Variants in LEPR observed in about 807,000 individuals in gnomAD.
The protein encoded by LEPR is OB receptor.
In LEPR, 56 loss-of-function variants were observed where a neutral mutation model predicts 114.7. The observed-to-expected ratio is 0.49, with a 90% CI of 0.39 to 0.61. LEPR has a LOEUF of 0.61. Ranked by LOEUF, LEPR falls within the 20% of genes least tolerant of loss-of-function variation. The probability of loss-of-function intolerance (pLI) is 0.00; values close to 1 mark genes in which losing one functional copy is unlikely to be tolerated. For synonymous variants in LEPR, 443 were observed against 461.4 expected, an observed-to-expected ratio of 0.96 and a Z score of 0.51; for missense variants, 1,202 against 1,352.9, an observed-to-expected ratio of 0.89 and a Z score of 1.75.
intron 2 of LEPR, among the ~76,000 whole-genome samples, chr1:65,551,867 A>C (rs972835449): frequency 3.3e-5 from 5 of 152,062 alleles, no homozygotes; most frequent in African/African-American, 1.2e-4. Context: ...CCCTCTAAAC[A>C]CCGCTTTATA....
At chr1:65,472,450 G>GTA (rs1416731680) in intron 2 of LEPR, among the ~76,000 whole-genome samples, 3 of 54,038 alleles carry the variant, frequency 5.6e-5, no homozygotes, top group South Asian at 1.2e-3. Context: ...ACACACGTGT[G>GTA]TATATATATA....
chr1:65,570,876 C>T (rs982005248), intron 4 of LEPR, 74 bp downstream of exon 4: 1 of 1,250,938 alleles, frequency 8.0e-7, no homozygotes, highest in East Asian at 2.6e-5. Flanking sequence ...AAATAGATGT[C>T]TTATGGCTAT....
intron 2 of LEPR, among the ~76,000 whole-genome samples, chr1:65,431,161 T>C (rs1437075793): frequency 1.3e-5 from 2 of 152,236 alleles, no homozygotes; most frequent in African/African-American, 4.8e-5. Context: ...ATTTTTCTTG[T>C]GCTTTAGACC....
intron 2 of LEPR, among the ~76,000 whole-genome samples, chr1:65,514,716 G>A (rs564625936): frequency 4.0e-4 from 61 of 152,072 alleles, no homozygotes; most frequent in Non-Finnish European, 7.9e-4. Flanking sequence ...CAAATTATAG[G>A]CATATAATCA....
chr1:65,544,132 CTT>C (rs1426043791), intron 2 of LEPR, among the ~76,000 whole-genome samples: 1 of 151,888 alleles, frequency 6.6e-6, no homozygotes, highest in Non-Finnish European at 1.5e-5. Context: ...TGTGTCCTCT[CTT>C]ATTTCCTTGA....
intron 19 of LEPR, among the ~76,000 whole-genome samples, chr1:65,624,899 T>C (rs1055828221): frequency 1.3e-5 from 2 of 152,152 alleles, no homozygotes; most frequent in Admixed American, 6.5e-5. Context: ...AGTAGTGTTG[T>C]TTTATATACG....
At chr1:65,564,960 A>G (rs1199314509) in intron 2 of LEPR, among the ~76,000 whole-genome samples, 1 of 152,224 alleles carries the variant, frequency 6.6e-6, no homozygotes, top group Non-Finnish European at 1.5e-5. Context: ...TCATGTGGGT[A>G]TATTAAGCCA....
intron 2 of LEPR, among the ~76,000 whole-genome samples, chr1:65,504,175 A>C (rs1314671902): frequency 5.9e-5 from 9 of 152,176 alleles, no homozygotes; most frequent in African/African-American, 2.2e-4. Context: ...ACACTGACAT[A>C]AATAAACAGT....
chr1:65,552,360 T>A (rs1317023613), intron 2 of LEPR, among the ~76,000 whole-genome samples: 1 of 152,206 alleles, frequency 6.6e-6, no homozygotes, highest in Non-Finnish European at 1.5e-5. Flanking sequence ...TGTAGGTCAT[T>A]AAGAACTTGC....
intron 5 of LEPR, chr1:65,576,800 T>C (rs1654617906): frequency 8.4e-6 from 2 of 239,230 alleles, no homozygotes; most frequent in South Asian, 6.4e-5. Context: ...TCCCCTTTTT[T>C]TGGAAAATGT....
intron 19 of LEPR, among the ~76,000 whole-genome samples, chr1:65,624,461 C>T (rs1658075351): frequency 6.6e-6 from 1 of 152,098 alleles, no homozygotes; most frequent in Non-Finnish European, 1.5e-5. Context: ...AGCAGCTGTT[C>T]TCTATAGCAG....
chr1:65,494,663 T>A (rs1469993809), intron 2 of LEPR, among the ~76,000 whole-genome samples: 1 of 152,128 alleles, frequency 6.6e-6, no homozygotes, highest in Non-Finnish European at 1.5e-5. Context: ...GTTCTTAAAC[T>A]TTCTTAGCCA....
chr1:65,466,853 T>C (rs1381075035), intron 2 of LEPR, among the ~76,000 whole-genome samples: 1 of 152,230 alleles, frequency 6.6e-6, no homozygotes, highest in Non-Finnish European at 1.5e-5. Flanking sequence ...ACGAAGTTCT[T>C]GTGCCATGGT....
chr1:65,621,919 A>G (rs1043623995), intron 18 of LEPR, among the ~76,000 whole-genome samples: 4 of 149,354 alleles, frequency 2.7e-5, no homozygotes, highest in African/African-American at 9.9e-5. Flanking sequence ...CTGGATGGGG[A>G]GGGTTATCTT....
chr1:65,451,526 A>T (rs893121033), intron 2 of LEPR, among the ~76,000 whole-genome samples: 2 of 152,096 alleles, frequency 1.3e-5, no homozygotes, highest in Non-Finnish European at 2.9e-5. Context: ...ACCATTTATT[A>T]AATAGGGAAT....
intron 2 of LEPR, chr1:65,436,110 TG>T: frequency 1.0e-6 from 1 of 977,646 alleles, no homozygotes; most frequent in Non-Finnish European, 1.2e-6. Context: ...CCAGTGTTTT[TG>T]TCTGTATAAT....
intron 2 of LEPR, among the ~76,000 whole-genome samples, chr1:65,552,092 C>CT (rs1652422061): frequency 6.6e-6 from 1 of 152,080 alleles, no homozygotes; most frequent in Non-Finnish European, 1.5e-5. Context: ...GATTTCTGTT[C>CT]TTTTGCATTT....
intron 2 of LEPR, among the ~76,000 whole-genome samples, chr1:65,514,053 C>T (rs1386034130): frequency 6.6e-6 from 1 of 152,120 alleles, no homozygotes; most frequent in Non-Finnish European, 1.5e-5. Flanking sequence ...ATATTTTAGT[C>T]CACGTTCTGT....
At chr1:65,615,091 T>A (rs1396638906) in intron 14 of LEPR, among the ~76,000 whole-genome samples, 2 of 152,224 alleles carry the variant, frequency 1.3e-5, no homozygotes, top group Admixed American at 6.5e-5. Flanking sequence ...CGGTGGCTGC[T>A]AAAATCTTAC....
Sources: allele counts gnomAD v4.1 joint callset (sites outside exome capture counted in the v4.1 genomes callset), GRCh38; gene constraint gnomAD v4.1.1; transcripts MANE v1.5; gene names NCBI Gene and HGNC (gene_info 2026-07-23, HGNC 2026-07-21).